The following ZNF407 variants were observed in gnomAD, a reference collection of about 807,000 sequenced individuals.
The protein encoded by ZNF407 is zinc finger protein 407.
A neutral mutation model predicts 131.2 loss-of-function variants in ZNF407; 17 were observed. The observed-to-expected ratio is 0.13, with a 90% CI of 0.09 to 0.19. The LOEUF (loss-of-function observed/expected upper bound fraction) is 0.19, where lower values mean the gene tolerates loss of function less well. Ranked by LOEUF, ZNF407 falls within the 10% of genes least tolerant of loss-of-function variation. ZNF407 has a pLI of 1.00. For synonymous variants in ZNF407, 1,156 were observed against 1,062.0 expected (o/e 1.09, Z -1.72); for missense variants, 2,681 against 2,830.6 (o/e 0.95, Z 1.20).
At chr18:74,983,625 G>A (rs1325697727) in intron 8 of ZNF407, among the ~76,000 whole-genome samples, 2 of 152,190 alleles carry the variant, frequency 1.3e-5, no homozygotes, top group East Asian at 3.8e-4. Context: ...CAGGCCCAAA[G>A]CTAAACAAAA....
At chr18:74,954,300 A>G (rs1179724448) in intron 8 of ZNF407, among the ~76,000 whole-genome samples, 1 of 152,210 alleles carries the variant, frequency 6.6e-6, no homozygotes, top group Non-Finnish European at 1.5e-5. Flanking sequence ...CAAAATAGAT[A>G]CTTGTGTTAC....
rs571459505 is a variant in ZNF407, at chr18:74,848,588, T to G, written c.4878-28609T>G. 3.3e-5 allele frequency among the ~76,000 whole-genome samples: 5 copies of G among 152,216 alleles called. No homozygotes were observed. The South Asian group carries it at 1.0e-3, about 32-fold the overall frequency. On this transcript the variant is annotated intron_variant, in intron 4 of 8. Coordinates refer to ENST00000299687, the MANE Select transcript of ZNF407 (RefSeq NM_017757.3). ...TATAACAAAGAAACAGAATGTAAAT[T>G]TGATAAAATATTTTATATTTTTATA...
intron 3 of ZNF407, among the ~76,000 whole-genome samples, chr18:74,722,791 A>G (rs1188610183): frequency 2.6e-5 from 4 of 152,150 alleles, no homozygotes; most frequent in Admixed American, 2.6e-4. Context: ...TGACAATTTT[A>G]TGCAGTTTTA....
At position 75,064,397 on chromosome 18, in the gene ZNF407, A is replaced by C. The variant is rs767205783; in HGVS notation, c.6676A>C (p.Thr2226Pro). Residue 2226 changes from threonine to proline, a missense_variant, in exon 9 of 9, where the codon ACC (threonine) becomes CCC (proline). Thr to Pro is a conservative substitution (Grantham distance 38). This residue lies in a region of ZNF407 where 620 missense variants were observed against 583.1 expected (regional missense o/e 1.06). Transcript: ENST00000299687. ...AEQLASVVIY[T>P]QEGSSAAAAI... ...GCAGCTGGCCAGCGTGGTCATCTAC[A>C]CCCAGGAGGGCTCCTCGGCCGCGGC... 2 of 1,552,130 alleles carry C rather than the reference A, an allele frequency of 1.3e-6. No individual in the cohort carries two copies.
chr18:74,848,139 T>C (rs1970728323), intron 4 of ZNF407, among the ~76,000 whole-genome samples: 1 of 152,214 alleles, frequency 6.6e-6, no homozygotes, highest in Non-Finnish European at 1.5e-5. Context: ...ATACATTGTT[T>C]TCCAGACTTA....
chr18:74,620,184 A>C (rs1011222167), intron 1 of ZNF407, among the ~76,000 whole-genome samples: 3 of 152,242 alleles, frequency 2.0e-5, no homozygotes, highest in African/African-American at 7.2e-5. Flanking sequence ...TAAGGTTGTC[A>C]TACAGTTAAT....
chr18:74,608,606 C>CA (rs1424382629), intron 1 of ZNF407, among the ~76,000 whole-genome samples: 7 of 152,190 alleles, frequency 4.6e-5, no homozygotes, highest in African/African-American at 9.7e-5. Flanking sequence ...CTTGGCCTCT[C>CA]AAAGTGCTGG....
At chr18:74,739,484 G>T (rs1359489703) in intron 3 of ZNF407, among the ~76,000 whole-genome samples, 2 of 151,468 alleles carry the variant, frequency 1.3e-5, no homozygotes, top group Non-Finnish European at 2.9e-5. Context: ...TCTTACATTT[G>T]GGCTCAGCTT....
chr18:74,771,984 G>C (rs931158084), intron 3 of ZNF407, among the ~76,000 whole-genome samples: 1 of 152,124 alleles, frequency 6.6e-6, no homozygotes, highest in African/African-American at 2.4e-5. Context: ...TTCAGTAGTA[G>C]TTTCATTTTT....
At chr18:74,968,677 A>G (rs1030551537) in intron 8 of ZNF407, among the ~76,000 whole-genome samples, 2 of 152,160 alleles carry the variant, frequency 1.3e-5, no homozygotes, top group Admixed American at 6.5e-5. Context: ...CCACATGAGT[A>G]ATACCTTGTT....
In ZNF407 at chr18:74,889,184, G is replaced by A. The variant is rs141307899; in HGVS notation, c.5129-734G>A. Among the ~76,000 whole-genome samples the A allele has an allele frequency of 3.1e-4, 47 of 152,314 alleles. No homozygotes were observed. The East Asian group carries it at 8.7e-3, about 28-fold the overall frequency. On this transcript the variant is annotated intron_variant, in intron 6 of 8. Transcript: ENST00000299687. ...AGTAGGTTGTTTCGTCTAGGTTTGT[G>A]TAAGTGCATGCAGGATATTCTCACC...
At chr18:74,782,009 T>C (rs1969612449) in intron 4 of ZNF407, among the ~76,000 whole-genome samples, 3 of 152,142 alleles carry the variant, frequency 2.0e-5, no homozygotes, top group South Asian at 4.1e-4. Context: ...AACTGCCAGG[T>C]TTTCTTTTTT....
At chr18:74,755,581 GGTTTTT>G (rs368481989) in intron 3 of ZNF407, among the ~76,000 whole-genome samples, 14,129 of 30,722 alleles carry the variant, frequency 0.46, 1,569 homozygotes, top group African/African-American at 0.54. Context: ...CCTCCTTTCT[GGTTTTT>G]TTTTTTTTTT....
chr18:75,020,497 C>T (rs908208183), intron 8 of ZNF407, among the ~76,000 whole-genome samples: 6 of 152,088 alleles, frequency 3.9e-5, no homozygotes, highest in Admixed American at 6.6e-5. Context: ...TTTCTCCTAT[C>T]GGAAGAAGGA....
intron 4 of ZNF407, among the ~76,000 whole-genome samples, chr18:74,811,670 T>C (rs1349796766): frequency 1.3e-5 from 2 of 151,758 alleles, no homozygotes; most frequent in African/African-American, 2.4e-5. Flanking sequence ...GTGGCACATA[T>C]ACACCATGGA....
intron 3 of ZNF407, among the ~76,000 whole-genome samples, chr18:74,754,495 A>C (rs997219002): frequency 1.3e-5 from 2 of 152,144 alleles, no homozygotes; most frequent in Non-Finnish European, 2.9e-5. Context: ...TAGTGCTATA[A>C]ATTTCCCTCT....
intron 8 of ZNF407, among the ~76,000 whole-genome samples, chr18:74,952,297 T>A (rs908736896): frequency 1.3e-5 from 2 of 152,224 alleles, no homozygotes; most frequent in African/African-American, 4.8e-5. Flanking sequence ...CTGGGCACTG[T>A]GCTCTATGCC....
At chr18:75,054,317 G>A (rs568995277) in intron 8 of ZNF407, among the ~76,000 whole-genome samples, 80 of 152,292 alleles carry the variant, frequency 5.3e-4, no homozygotes, top group Middle Eastern at 6.8e-3. Context: ...GCCTCTGTGC[G>A]GTTACTGAGA....
At chr18:74,699,347 A>T (rs1599079366) in intron 3 of ZNF407, among the ~76,000 whole-genome samples, 1 of 152,128 alleles carries the variant, frequency 6.6e-6, no homozygotes, top group Non-Finnish European at 1.5e-5. Context: ...CTTGTCAATG[A>T]TAAAAGTTGG....
Sources: gnomAD v4.1 joint callset for allele counts (sites outside exome capture counted in the v4.1 genomes callset) on GRCh38, gnomAD v4.1.1 for gene constraint, gnomAD v4.1.1 regional missense constraint, MANE v1.5 for transcripts, NCBI Gene and HGNC (gene_info 2026-07-23, HGNC 2026-07-21) for gene names.